MGAT4C: variants seen among roughly 807,000 people sequenced by gnomAD.
The protein encoded by MGAT4C is MGAT4 family member C, also known as alpha-1,3-mannosyl-glycoprotein 4-beta-N-acetylglucosaminyltransferase C.
In MGAT4C, 19 loss-of-function variants were observed where a neutral mutation model predicts 40.1. The ratio of observed to expected loss-of-function variants is 0.47; its 90% CI spans 0.33 to 0.70. The LOEUF is 0.70. Among genes scored for constraint, MGAT4C ranks in the 30% least tolerant of loss-of-function variants. The probability of loss-of-function intolerance (pLI) is 0.02; values close to 1 mark genes in which losing one functional copy is unlikely to be tolerated. For synonymous variants in MGAT4C, 181 were observed against 187.1 expected, an observed-to-expected ratio of 0.97 and a Z score of 0.27; for missense variants, 491 against 563.2, an observed-to-expected ratio of 0.87 and a Z score of 1.30.
chr12:86,668,887 G>A (rs985674168), intron 2 of MGAT4C, among the ~76,000 whole-genome samples: 1 of 152,084 alleles, frequency 6.6e-6, no homozygotes, highest in African/African-American at 2.4e-5. Flanking sequence ...GTTTAAGCAG[G>A]GCCCTCTCTG....
chr12:86,170,860 G>A (rs569651465), intron 1 of MGAT4C, among the ~76,000 whole-genome samples: 19 of 152,132 alleles, frequency 1.2e-4, no homozygotes, highest in African/African-American at 2.4e-4. Flanking sequence ...GGCTGAGGTC[G>A]GAGGATTGCT....
intron 4 of MGAT4C, among the ~76,000 whole-genome samples, chr12:86,316,001 A>G (rs1421380719): frequency 6.6e-6 from 1 of 151,314 alleles, no homozygotes; most frequent in Admixed American, 6.6e-5. Context: ...CAATTCAACA[A>G]GCAGAAAGCA....
chr12:86,574,215 C>T (rs1314069944), intron 2 of MGAT4C, among the ~76,000 whole-genome samples: 1 of 151,602 alleles, frequency 6.6e-6, no homozygotes, highest in African/African-American at 2.4e-5. Flanking sequence ...GAGTTGGGAT[C>T]CACCTCCTCA....
chr12:86,094,435 T>C (rs1409135585), intron 1 of MGAT4C, among the ~76,000 whole-genome samples: 1 of 152,168 alleles, frequency 6.6e-6, no homozygotes, highest in African/African-American at 2.4e-5. Flanking sequence ...GTAAATGCCA[T>C]GTATATGTTA....
At chr12:86,055,837 G>A (rs760330901) in intron 1 of MGAT4C, among the ~76,000 whole-genome samples, 8 of 151,812 alleles carry the variant, frequency 5.3e-5, no homozygotes, top group South Asian at 4.2e-4. Context: ...ATCTTTTCAC[G>A]TCTTCATTCT....
At chr12:86,600,524 G>T (rs1217900132) in intron 2 of MGAT4C, among the ~76,000 whole-genome samples, 1 of 152,222 alleles carries the variant, frequency 6.6e-6, no homozygotes, top group African/African-American at 2.4e-5. Flanking sequence ...CAAATCTCGT[G>T]AGGTGTGCAC....
At chr12:86,085,571 C>T (rs1871658845) in intron 1 of MGAT4C, among the ~76,000 whole-genome samples, 2 of 151,656 alleles carry the variant, frequency 1.3e-5, no homozygotes, top group South Asian at 4.2e-4. Context: ...GTTTTGGTAC[C>T]AGTACCATGC....
chr12:86,169,631 A>G (rs1726309255), intron 1 of MGAT4C, among the ~76,000 whole-genome samples: 1 of 152,162 alleles, frequency 6.6e-6, no homozygotes, highest in African/African-American at 2.4e-5. Flanking sequence ...TACTCCCTAC[A>G]ACCTAACAGA....
intron 1 of MGAT4C, among the ~76,000 whole-genome samples, chr12:86,124,760 A>T (rs973838765): frequency 3.0e-4 from 45 of 152,166 alleles, no homozygotes; most frequent in African/African-American, 1.0e-3. Context: ...CCTGGCACAG[A>T]GACAGGGTCA....
intron 1 of MGAT4C, among the ~76,000 whole-genome samples, chr12:86,746,348 T>G (rs1465569612): frequency 2.6e-5 from 4 of 151,636 alleles, no homozygotes; most frequent in African/African-American, 7.3e-5. Flanking sequence ...AATGTACTGA[T>G]TTATCCTCCA....
chr12:86,121,812 T>C (rs1265546049), intron 1 of MGAT4C, among the ~76,000 whole-genome samples: 1 of 152,102 alleles, frequency 6.6e-6, no homozygotes, highest in Non-Finnish European at 1.5e-5. Flanking sequence ...GCAGATCACT[T>C]TTTAACCCCC....
intron 1 of MGAT4C, among the ~76,000 whole-genome samples, chr12:86,729,647 T>C (rs1044401914): frequency 6.6e-6 from 1 of 151,158 alleles, no homozygotes; most frequent in Non-Finnish European, 1.5e-5. Context: ...ATATTAAATA[T>C]AAAAACAAAA....
intron 1 of MGAT4C, among the ~76,000 whole-genome samples, chr12:86,066,549 C>T (rs1894563303): frequency 6.6e-6 from 1 of 152,036 alleles, no homozygotes; most frequent in South Asian, 2.1e-4. Flanking sequence ...ACACCTTATA[C>T]AAAAATTACC....
intron 1 of MGAT4C, among the ~76,000 whole-genome samples, chr12:86,108,889 A>G (rs1393929210): frequency 2.0e-5 from 3 of 152,128 alleles, no homozygotes; most frequent in Admixed American, 6.6e-5. Flanking sequence ...TTCGGTCTTC[A>G]CCGGAGACAC....
At chr12:86,449,603 G>A (rs529776480) in intron 2 of MGAT4C, among the ~76,000 whole-genome samples, 4 of 152,100 alleles carry the variant, frequency 2.6e-5, no homozygotes, top group South Asian at 2.1e-4. Context: ...CGGTGGTAAC[G>A]ACTCTTCTCA....
At chr12:86,208,105 C>A (rs931717307) in intron 1 of MGAT4C, among the ~76,000 whole-genome samples, 5 of 152,120 alleles carry the variant, frequency 3.3e-5, no homozygotes, top group Admixed American at 3.3e-4. Context: ...CATCCCAACC[C>A]TTATAGAATC....
chr12:86,509,690 T>G (rs576263088), intron 2 of MGAT4C, among the ~76,000 whole-genome samples: 3 of 152,318 alleles, frequency 2.0e-5, no homozygotes, highest in Non-Finnish European at 2.9e-5. Context: ...TTCCTACCCA[T>G]GAGCATGAAA....
intron 2 of MGAT4C, among the ~76,000 whole-genome samples, chr12:86,453,679 A>C (rs1472316889): frequency 1.3e-5 from 2 of 152,050 alleles, no homozygotes; most frequent in Admixed American, 1.3e-4. Flanking sequence ...GACAGGAGGG[A>C]CAAGTCTCCT....
chr12:86,521,467 C>A (rs1035539446), intron 2 of MGAT4C, among the ~76,000 whole-genome samples: 1 of 152,114 alleles, frequency 6.6e-6, no homozygotes, highest in Non-Finnish European at 1.5e-5. Flanking sequence ...GCTCTGTTTA[C>A]TGTAGCCCTG....
Sources: gnomAD v4.1 joint callset for allele counts (sites outside exome capture counted in the v4.1 genomes callset) on GRCh38, gnomAD v4.1.1 for gene constraint, MANE v1.5 for transcripts, NCBI Gene and HGNC (gene_info 2026-07-23, HGNC 2026-07-21) for gene names.